Variants in C8orf34 observed in about 807,000 individuals in gnomAD.
C8orf34 encodes the protein chromosome 8 open reading frame 34.
C8orf34 carries 65 observed loss-of-function variants against 68.3 expected under a neutral mutation model. That is an observed-to-expected ratio of 0.95 (90% confidence interval 0.78 to 1.17). The LOEUF is 1.17. C8orf34 is among the 50% of genes most tolerant of loss of function. C8orf34 has a pLI of 0.00. For synonymous variants in C8orf34, 244 were observed against 241.2 expected, an observed-to-expected ratio of 1.01 and a Z score of -0.11; for missense variants, 664 against 655.4, an observed-to-expected ratio of 1.01 and a Z score of -0.14.
intron 8 of C8orf34, among the ~76,000 whole-genome samples, chr8:68,681,038 G>A (rs12549215): frequency 0.12 from 17,747 of 152,130 alleles, 1,370 homozygotes; most frequent in Middle Eastern, 0.23. Context: ...TCCATTTATA[G>A]GCTCTCTGCA....
At chr8:68,432,384 C>T (rs1294960589) in intron 1 of C8orf34, among the ~76,000 whole-genome samples, 2 of 151,956 alleles carry the variant, frequency 1.3e-5, no homozygotes, top group African/African-American at 4.8e-5. Context: ...GATCTTGGCT[C>T]ACTGCAACCT....
At chr8:68,441,246 T>C (rs1256193688) in intron 2 of C8orf34, among the ~76,000 whole-genome samples, 1 of 152,176 alleles carries the variant, frequency 6.6e-6, no homozygotes, top group Non-Finnish European at 1.5e-5. Context: ...ATCTGGAGGC[T>C]GGACTAGGAA....
chr8:68,505,738 C>CAAAAAAAAAAA (rs778441254), intron 5 of C8orf34, among the ~76,000 whole-genome samples: 6 of 68,352 alleles, frequency 8.8e-5, no homozygotes, highest in African/African-American at 2.7e-4. Flanking sequence ...ACTCCGTCTC[C>CAAAAAAAAAAA]AAAAAAAAAA....
chr8:68,406,644 G>A (rs1809208738), intron 1 of C8orf34, among the ~76,000 whole-genome samples: 1 of 151,770 alleles, frequency 6.6e-6, no homozygotes, highest in Non-Finnish European at 1.5e-5. Context: ...TATAGGCACC[G>A]GCCACCACAC....
rs909986198 is a variant in C8orf34 at position 68,608,212 on chromosome 8, A to G, written c.1106-32164A>G. The stretch of plus-strand genomic sequence containing the variant: ...TGTGTCAAGCAAAAATTATAATACC[A>G]TGTGAAAGAAATGAGTATAATAGAA... On this transcript the variant is annotated intron_variant, in intron 7 of 13. Transcript: ENST00000518698. 5.3e-5 allele frequency among the ~76,000 whole-genome samples: 8 copies of G among 152,224 alleles called. No homozygotes were observed. In the East Asian group the frequency reaches 1.2e-3, roughly 22 times the overall value.
chr8:68,534,748 G>A, intron 7 of C8orf34: 2 of 985,304 alleles, frequency 2.0e-6, no homozygotes, highest in South Asian at 4.7e-5. Context: ...CAGGGAAGGG[G>A]CAACTGAGAT....
At chr8:68,554,261 G>A (rs1011287101) in intron 7 of C8orf34, among the ~76,000 whole-genome samples, 3 of 152,046 alleles carry the variant, frequency 2.0e-5, no homozygotes, top group African/African-American at 7.2e-5. Flanking sequence ...GACAATATAA[G>A]GTAAAGCAGC....
At chr8:68,661,378 T>C (rs1819675201) in intron 8 of C8orf34, among the ~76,000 whole-genome samples, 1 of 152,334 alleles carries the variant, frequency 6.6e-6, no homozygotes, top group East Asian at 1.9e-4. Flanking sequence ...TAGGTCCCCA[T>C]ATGGGCCACC....
chr8:68,472,444 T>A (rs1249424179), intron 4 of C8orf34, among the ~76,000 whole-genome samples: 1 of 152,026 alleles, frequency 6.6e-6, no homozygotes, highest in East Asian at 1.9e-4. Flanking sequence ...TAATCCCCAT[T>A]CTGATTTACT....
At chr8:68,783,453 G>A (rs1823748323) in intron 11 of C8orf34, among the ~76,000 whole-genome samples, 2 of 145,956 alleles carry the variant, frequency 1.4e-5, no homozygotes, top group African/African-American at 5.3e-5. Flanking sequence ...GGGAGGCGGA[G>A]GTTGCAGTGA....
At position 68,468,748 on chromosome 8, in the gene C8orf34, G is replaced by A. The variant is rs868113803; in HGVS notation, c.664G>A (p.Asp222Asn). The A allele has an allele frequency of 5.0e-6, 8 of 1,612,872 alleles. No individual in the cohort carries two copies. The highest frequency in any genetic ancestry group is 6.8e-6 in the Non-Finnish European group (8 of 1,179,260). Reference sequence around the variant, plus strand: ...CTGGAGGACTAAACCACAAAGCCGTGATTTTGATGAATTGAATCACATCCT... The same window carrying A: ...CTGGAGGACTAAACCACAAAGCCGTAATTTTGATGAATTGAATCACATCCT... ...WNWRTKPQSRDFDELNHILQE... is the reference protein window; with the variant it reads ...WNWRTKPQSRNFDELNHILQE... The change falls in exon 4 of 14, where the codon GAT (aspartate) becomes AAT (asparagine). Residue 222 changes from aspartate (D) to asparagine (N), a missense_variant. By Grantham distance (23) the Asp-to-Asn change is conservative (BLOSUM62 1). Coordinates refer to ENST00000518698, the MANE Select transcript of C8orf34 (RefSeq NM_052958.4).
intron 1 of C8orf34, among the ~76,000 whole-genome samples, chr8:68,383,489 T>C (rs774673500): frequency 6.6e-6 from 1 of 152,200 alleles, no homozygotes; most frequent in Non-Finnish European, 1.5e-5. Flanking sequence ...TTTCATGTGA[T>C]TGAAATACAT....
intron 7 of C8orf34, among the ~76,000 whole-genome samples, chr8:68,572,121 C>T (rs1270787005): frequency 2.0e-5 from 3 of 151,882 alleles, no homozygotes; most frequent in East Asian, 1.9e-4. Flanking sequence ...TCTAAACACA[C>T]CTAAACATAG....
intron 8 of C8orf34, among the ~76,000 whole-genome samples, chr8:68,686,579 T>C (rs1478847256): frequency 1.3e-5 from 2 of 152,082 alleles, no homozygotes; most frequent in African/African-American, 4.8e-5. Context: ...CCAGCATCCT[T>C]TTATGATCAA....
At chr8:68,412,988 A>T (rs1170805821) in intron 1 of C8orf34, among the ~76,000 whole-genome samples, 1 of 152,004 alleles carries the variant, frequency 6.6e-6, no homozygotes, top group Admixed American at 6.6e-5. Flanking sequence ...AGTTCATCCT[A>T]CTCAATTAGC....
At chr8:68,612,167 A>G (rs1402459948) in intron 7 of C8orf34, among the ~76,000 whole-genome samples, 1 of 152,014 alleles carries the variant, frequency 6.6e-6, no homozygotes, top group Non-Finnish European at 1.5e-5. Context: ...TCCACCTCTC[A>G]TTCATTATCA....
At chr8:68,717,193 A>G (rs1183716621) in intron 9 of C8orf34, among the ~76,000 whole-genome samples, 3 of 152,128 alleles carry the variant, frequency 2.0e-5, no homozygotes, top group Non-Finnish European at 2.9e-5. Context: ...AGCAAGTCAC[A>G]GAATGCCATT....
In C8orf34 at chr8:68,533,775, A is replaced by C. The variant is rs144158920; in HGVS notation, c.1105+626A>C. On this transcript the variant is annotated intron_variant, in intron 7 of 13. Transcript: ENST00000518698. ...GCTTCATCAGAAATCTCTTCATATA[A>C]ATTTTTAAACTGAACTTCTCTTTGG... 1.6e-3 allele frequency: 1,587 copies of C among 971,852 alleles called. 16 individuals carry two copies. The African/African-American group carries it at 0.023, about 14-fold the overall frequency. 60.2% of individuals were successfully genotyped at this position (971,852 alleles called of 1,614,324 possible).
At chr8:68,429,286 T>C (rs199790316) in intron 1 of C8orf34, among the ~76,000 whole-genome samples, 1 of 152,172 alleles carries the variant, frequency 6.6e-6, no homozygotes, top group African/African-American at 2.4e-5. Context: ...TGAAGGACCA[T>C]TGAATATATG....
Sources: gnomAD v4.1 joint callset for allele counts (sites outside exome capture counted in the v4.1 genomes callset) on GRCh38, gnomAD v4.1.1 for gene constraint, MANE v1.5 for transcripts, NCBI Gene and HGNC (gene_info 2026-07-23, HGNC 2026-07-21) for gene names.